The following MYRFL variants were observed in gnomAD, a reference collection of about 807,000 sequenced individuals.
The protein encoded by MYRFL is myelin regulatory factor-like protein.
A neutral mutation model predicts 109.4 loss-of-function variants in MYRFL; 88 were observed. The observed-to-expected ratio is 0.80, with a 90% CI of 0.68 to 0.96. MYRFL has a LOEUF of 0.96. MYRFL is among the 40% of genes least tolerant of loss of function. The pLI is 0.00. For missense variants in MYRFL, 957 were observed against 954.9 expected (o/e 1.00, Z -0.03); for synonymous variants, 324 against 320.9 (o/e 1.01, Z -0.10).
chr12:69,907,984 T>C (rs1954425285), intron 11 of MYRFL, among the ~76,000 whole-genome samples: 1 of 152,160 alleles, frequency 6.6e-6, no homozygotes, highest in East Asian at 1.9e-4. Flanking sequence ...TTAACCATTC[T>C]AGTCCAGTAA....
At chr12:69,894,826 C>T (rs1953929833) in intron 8 of MYRFL, among the ~76,000 whole-genome samples, 1 of 152,170 alleles carries the variant, frequency 6.6e-6, no homozygotes, top group Non-Finnish European at 1.5e-5. Context: ...GATTTCATGG[C>T]CTGGACAGTC....
intron 13 of MYRFL, among the ~76,000 whole-genome samples, chr12:69,922,598 T>C (rs751069294): frequency 2.6e-5 from 4 of 152,162 alleles, no homozygotes; most frequent in Non-Finnish European, 5.9e-5. Context: ...TTCCACCAAC[T>C]AGATTATTTA....
At chr12:69,955,006 C>G (rs1447717800) in intron 21 of MYRFL, among the ~76,000 whole-genome samples, 1 of 152,134 alleles carries the variant, frequency 6.6e-6, no homozygotes, top group Non-Finnish European at 1.5e-5. Context: ...TGGGGCTTTG[C>G]CTCATTTGTC....
chr12:69,850,496 T>G (rs1883817353), intron 1 of MYRFL, among the ~76,000 whole-genome samples: 1 of 152,154 alleles, frequency 6.6e-6, no homozygotes, highest in South Asian at 2.1e-4. Flanking sequence ...TTCTAAAGGA[T>G]TCTTCCAAGA....
At chr12:69,911,755 T>C (rs1419981377) in intron 13 of MYRFL, among the ~76,000 whole-genome samples, 1 of 152,214 alleles carries the variant, frequency 6.6e-6, no homozygotes, top group Non-Finnish European at 1.5e-5. Context: ...TTATTATATT[T>C]GATGCTGAGA....
chr12:69,890,918 A>G (rs1002535220), intron 6 of MYRFL, 53 bp from the exon 7 acceptor site: 6 of 1,339,492 alleles, frequency 4.5e-6, no homozygotes, highest in Admixed American at 3.1e-5. Context: ...GTTAATGAAA[A>G]TAAATATATG....
intron 5 of MYRFL, among the ~76,000 whole-genome samples, chr12:69,883,967 A>G (rs150455177): frequency 0.01 from 1,591 of 152,222 alleles, 32 homozygotes; most frequent in African/African-American, 0.036. Context: ...AAACTCTGCT[A>G]TGGTGTTAGA....
chr12:69,880,753 G>A (rs1304978759), intron 5 of MYRFL, among the ~76,000 whole-genome samples: 1 of 152,188 alleles, frequency 6.6e-6, no homozygotes, highest in Non-Finnish European at 1.5e-5. Flanking sequence ...CCCAGGTGAT[G>A]GCGATGCTAC....
intron 5 of MYRFL, among the ~76,000 whole-genome samples, chr12:69,883,706 T>TAA (rs59904690): frequency 0.14 from 17,297 of 125,266 alleles, 1,352 homozygotes; most frequent in East Asian, 0.27. Flanking sequence ...CTACAAAAAG[T>TAA]AAAAAAAAAA....
chr12:69,871,071 T>A (rs1225578737), intron 2 of MYRFL, among the ~76,000 whole-genome samples: 1 of 152,176 alleles, frequency 6.6e-6, no homozygotes, highest in Non-Finnish European at 1.5e-5. Context: ...TTACAAAATT[T>A]AATTTATAGA....
At position 69,932,573 on chromosome 12, in the gene MYRFL, ACT is replaced by A. The variant is rs1566035328; in HGVS notation, c.1894_1895del (p.Leu632AspfsTer18). ...PNWVFQTLVITLIAVMAFCAL... is the reference protein window; with the variant it reads ...PNWVFQTLVIXLIAVMAFCAL... ...TTGGGTTTTCCAGACCTTGGTTATA[ACT>A]CTGATTGCTGTGATGGCATTTTGGT... On this transcript the variant is annotated frameshift_variant, in exon 16 of 25. Transcript: ENST00000552032. LOFTEE classifies it high-confidence loss of function. 1 of 1,535,914 alleles carries A rather than the reference ACT, an allele frequency of 6.5e-7. No homozygotes were observed. Among genetic ancestry groups the A allele is most frequent in the Non-Finnish European group, 8.7e-7 (1 of 1,146,800 alleles).
At chr12:69,847,655 T>TTC (rs1309343113) in intron 1 of MYRFL, among the ~76,000 whole-genome samples, 1 of 152,088 alleles carries the variant, frequency 6.6e-6, no homozygotes, top group East Asian at 1.9e-4. Context: ...TTCAAATGAC[T>TTC]TCTCTCTCTC....
intron 11 of MYRFL, 65 bp downstream of exon 11, chr12:69,903,909 T>C (rs1954272049): frequency 7.1e-7 from 1 of 1,416,762 alleles, no homozygotes; most frequent in Non-Finnish European, 9.3e-7. Context: ...TGGGTGCTCC[T>C]GGCCTCTGAC....
At chr12:69,868,441 AGTACAATGATG>A (rs1469656542) in intron 2 of MYRFL, among the ~76,000 whole-genome samples, 1 of 152,164 alleles carries the variant, frequency 6.6e-6, no homozygotes, top group Non-Finnish European at 1.5e-5. Flanking sequence ...CTGAGGATTA[AGTACAATGATG>A]GTACCTTTTC....
At chr12:69,870,056 AT>A (rs1885251128) in intron 2 of MYRFL, among the ~76,000 whole-genome samples, 1 of 108,700 alleles carries the variant, frequency 9.2e-6, no homozygotes, top group Admixed American at 9.1e-5. Flanking sequence ...AAGGCAAATT[AT>A]TTTATTTTTA....
Position 69,864,828 on chromosome 12 carries a change from A to G in MYRFL, c.137+9458A>G, listed in dbSNP as rs937508451. Among the ~76,000 whole-genome samples, 15 of 152,156 alleles carry G rather than the reference A, an allele frequency of 9.9e-5. 1 individual carries two copies. In the East Asian group the frequency reaches 2.1e-3, roughly 21 times the overall value. Reference sequence around the variant, plus strand: ...CTCTCACTACATCCCAGTAACTTGTATGAATTGTGGACAATGGATATATCC... The same window carrying G: ...CTCTCACTACATCCCAGTAACTTGTGTGAATTGTGGACAATGGATATATCC... On this transcript the variant is annotated intron_variant, in intron 2 of 24. Coordinates refer to ENST00000552032, the MANE Select transcript of MYRFL (RefSeq NM_182530.3).
intron 16 of MYRFL, among the ~76,000 whole-genome samples, chr12:69,935,709 C>A (rs1428381158): frequency 1.3e-5 from 2 of 152,306 alleles, no homozygotes; most frequent in African/African-American, 2.4e-5. Context: ...TCTCCCAATG[C>A]GACAGTGCCA....
At position 69,875,091 on chromosome 12, in the gene MYRFL, T is replaced by C. The variant is rs1210966554; in HGVS notation, c.138-3937T>C. 2.0e-5 allele frequency among the ~76,000 whole-genome samples: 3 copies of C among 146,934 alleles called. No individual in the cohort carries two copies. The East Asian group carries it at 6.1e-4, about 30-fold the overall frequency. ...CATAAAGATATATACATTTATATCT[T>C]TTCCTAAATTTAGGAAGATTTTGGC... On this transcript the variant is annotated intron_variant, in intron 2 of 24. Coordinates refer to ENST00000552032, the MANE Select transcript of MYRFL (RefSeq NM_182530.3).
At chr12:69,902,491 G>T (rs4761171) in intron 10 of MYRFL, among the ~76,000 whole-genome samples, 29,682 of 151,964 alleles carry the variant, frequency 0.2, 3,062 homozygotes, top group South Asian at 0.29. Flanking sequence ...TTGGTTTCCT[G>T]AGTAGTCTTC....
Sources: allele counts gnomAD v4.1 joint callset (sites outside exome capture counted in the v4.1 genomes callset), GRCh38; gene constraint gnomAD v4.1.1; transcripts MANE v1.5; gene names NCBI Gene and HGNC (gene_info 2026-07-23, HGNC 2026-07-21).